The following PCDH15 variants were observed in gnomAD, a reference collection of about 807,000 sequenced individuals.
PCDH15 encodes protocadherin related 15.
In PCDH15, 129 loss-of-function variants were observed where a neutral mutation model predicts 178.5. The observed-to-expected ratio is 0.72, with a 90% CI of 0.63 to 0.84. The LOEUF (loss-of-function observed/expected upper bound fraction) is 0.84. Among genes scored for constraint, PCDH15 ranks in the 40% least tolerant of loss-of-function variants. PCDH15 has a pLI of 0.00. For synonymous variants in PCDH15, 800 were observed against 732.0 expected (o/e 1.09, Z -1.50); for missense variants, 2,230 against 2,099.9 (o/e 1.06, Z -1.21).
In PCDH15 at chr10:53,981,718, A is replaced by G. The variant is rs1167274874; in HGVS notation, c.2868+13931T>C. Among the ~76,000 whole-genome samples the G allele has an allele frequency of 3.3e-5, 5 of 150,820 alleles. No homozygotes were observed. In the Admixed American group the frequency reaches 3.3e-4, roughly 10 times the overall value. On this transcript the variant is annotated intron_variant, in intron 21 of 37. Coordinates refer to ENST00000644397, the MANE Select transcript of PCDH15 (RefSeq NM_001384140.1). The stretch of plus-strand genomic sequence containing the variant: ...TTAGACCTAAAACCATAAAAACCCT[A>G]GAAGAAAACCTAGGCATTACCATTC...
intron 2 of PCDH15, among the ~76,000 whole-genome samples, chr10:54,549,168 TTA>T (rs1340271375): frequency 6.6e-6 from 1 of 151,738 alleles, no homozygotes. Flanking sequence ...TTTTGATACT[TTA>T]TGTTTTTTAT....
intron 2 of PCDH15, among the ~76,000 whole-genome samples, chr10:55,096,594 C>T (rs1842455116): frequency 6.6e-6 from 1 of 152,068 alleles, no homozygotes; most frequent in Non-Finnish European, 1.5e-5. Context: ...GAAATTGTTT[C>T]TCTTATAACT....
intron 3 of PCDH15, among the ~76,000 whole-genome samples, chr10:54,438,607 C>G (rs2075593625): frequency 6.6e-6 from 1 of 151,996 alleles, no homozygotes; most frequent in South Asian, 2.1e-4. Flanking sequence ...TTTTGAAAGC[C>G]AGAAGCAGGT....
chr10:54,627,802 G>A (rs973567993), intron 2 of PCDH15, among the ~76,000 whole-genome samples: 1 of 152,194 alleles, frequency 6.6e-6, no homozygotes, highest in African/African-American at 2.4e-5. Context: ...GTCTCTTAGT[G>A]TGGGACATGC....
At chr10:55,286,941 T>A (rs899148356) in intron 1 of PCDH15, among the ~76,000 whole-genome samples, 3 of 152,038 alleles carry the variant, frequency 2.0e-5, no homozygotes, top group African/African-American at 7.2e-5. Context: ...TCTTTTAAAC[T>A]CTCAAATCAC....
intron 6 of PCDH15, among the ~76,000 whole-genome samples, chr10:54,338,710 T>A (rs1022812103): frequency 6.6e-6 from 1 of 151,746 alleles, no homozygotes; most frequent in Non-Finnish European, 1.5e-5. Flanking sequence ...GTGTCTTCAT[T>A]TTTTTTTTCT....
intron 1 of PCDH15, among the ~76,000 whole-genome samples, chr10:54,681,438 T>C (rs2094897179): frequency 6.6e-6 from 1 of 151,830 alleles, no homozygotes; most frequent in South Asian, 2.1e-4. Flanking sequence ...AAATAAAGGG[T>C]ATGTGGCTAA....
At chr10:54,663,592 T>C (rs2094523936) in intron 2 of PCDH15, among the ~76,000 whole-genome samples, 1 of 151,348 alleles carries the variant, frequency 6.6e-6, no homozygotes, top group South Asian at 2.1e-4. Context: ...TTAATGAATC[T>C]TTCTAAAATG....
At chr10:54,763,335 G>C (rs1336847433) in intron 1 of PCDH15, among the ~76,000 whole-genome samples, 2 of 152,104 alleles carry the variant, frequency 1.3e-5, no homozygotes, top group Non-Finnish European at 2.9e-5. Flanking sequence ...GATTCCATGA[G>C]ACACTAAGAA....
At chr10:54,710,051 TAAAA>T (rs2095412891) in intron 1 of PCDH15, among the ~76,000 whole-genome samples, 2 of 151,614 alleles carry the variant, frequency 1.3e-5, no homozygotes, top group Admixed American at 1.3e-4. Flanking sequence ...TATACTTAAA[TAAAA>T]ATATAAATCT....
chr10:55,278,156 GC>G (rs1012454875), intron 1 of PCDH15, among the ~76,000 whole-genome samples: 4 of 151,992 alleles, frequency 2.6e-5, no homozygotes, highest in Non-Finnish European at 4.4e-5. Flanking sequence ...ACGTATAGTA[GC>G]AATCTCCATG....
At chr10:55,622,883 T>C (rs1446519929) in intron 2 of PCDH15, among the ~76,000 whole-genome samples, 1 of 152,094 alleles carries the variant, frequency 6.6e-6, no homozygotes, top group East Asian at 1.9e-4. Context: ...TTGGATTTGC[T>C]CTCTGTACCA....
chr10:54,675,948 CT>C (rs1175969889), intron 1 of PCDH15, among the ~76,000 whole-genome samples: 1 of 152,116 alleles, frequency 6.6e-6, no homozygotes, highest in Admixed American at 6.6e-5. Flanking sequence ...CTTGTCAAAT[CT>C]GTATTATATA....
chr10:54,917,612 G>A (rs1309512677), intron 2 of PCDH15, among the ~76,000 whole-genome samples: 1 of 152,174 alleles, frequency 6.6e-6, no homozygotes, highest in Non-Finnish European at 1.5e-5. Context: ...GGGAAGGCTA[G>A]AAACTATGCT....
chr10:53,910,913 G>C (rs983228759), intron 25 of PCDH15, among the ~76,000 whole-genome samples: 1 of 152,160 alleles, frequency 6.6e-6, no homozygotes, highest in African/African-American at 2.4e-5. Flanking sequence ...AAGGGTGCCA[G>C]AGATTGAAGA....
intron 1 of PCDH15, among the ~76,000 whole-genome samples, chr10:55,178,936 G>A (rs1839566310): frequency 6.6e-6 from 1 of 152,074 alleles, no homozygotes; most frequent in Non-Finnish European, 1.5e-5. Flanking sequence ...TTTCACAAGG[G>A]TGAAACTGCT....
chr10:54,147,461 A>G (rs1356215586), intron 14 of PCDH15, among the ~76,000 whole-genome samples: 5 of 151,908 alleles, frequency 3.3e-5, no homozygotes, highest in Non-Finnish European at 5.9e-5. Context: ...TAGACAATAT[A>G]TTATCCAGGA....
intron 2 of PCDH15, among the ~76,000 whole-genome samples, chr10:55,139,592 G>A (rs533881219): frequency 6.6e-6 from 1 of 151,976 alleles, no homozygotes; most frequent in Admixed American, 6.6e-5. Context: ...TCAAAAGTTA[G>A]TTGGATATAT....
intron 1 of PCDH15, among the ~76,000 whole-genome samples, chr10:55,266,830 CTGTTCT>C (rs1158616078): frequency 6.6e-6 from 1 of 152,206 alleles, no homozygotes; most frequent in Non-Finnish European, 1.5e-5. Flanking sequence ...AAAACCACCT[CTGTTCT>C]TGCAATAAGG....
Sources: allele counts gnomAD v4.1 joint callset (sites outside exome capture counted in the v4.1 genomes callset), GRCh38; gene constraint gnomAD v4.1.1; transcripts MANE v1.5; gene names NCBI Gene and HGNC (gene_info 2026-07-23, HGNC 2026-07-21).